SLC36A1: variants seen among roughly 807,000 people sequenced by gnomAD.
SLC36A1 encodes solute carrier family 36 member 1, also known as proton-coupled amino acid transporter 1.
SLC36A1 carries 30 observed loss-of-function variants against 47.5 expected under a neutral mutation model. That is an observed-to-expected ratio of 0.63 (90% CI 0.47 to 0.86). The LOEUF (loss-of-function observed/expected upper bound fraction) is 0.86. Among genes scored for constraint, SLC36A1 ranks in the 40% least tolerant of loss-of-function variants. SLC36A1 has a pLI of 0.00. For missense variants in SLC36A1, 517 were observed against 606.0 expected, an observed-to-expected ratio of 0.85 and a Z score of 1.54; for synonymous variants, 255 against 249.7, an observed-to-expected ratio of 1.02 and a Z score of -0.20.
At chr5:151,474,183 A>AAAAAAAAAAAAAAATTATCTTC (rs1561770143) in intron 8 of SLC36A1, among the ~76,000 whole-genome samples, 12 of 145,446 alleles carry the variant, frequency 8.3e-5, no homozygotes, top group African/African-American at 3.1e-4. Flanking sequence ...AAAAAAAGAA[A>AAAAAAAAAAAAAAATTATCTTC]TTATCTTCTG....
At chr5:151,505,970 C>T in the SLC36A1 span, 1 of 1,572,018 alleles carries the variant, frequency 6.4e-7, no homozygotes, top group Admixed American at 2.0e-5. Flanking sequence ...GCTCTGGCAT[C>T]ACGACTGGGG....
chr5:151,537,320 AG>A, the SLC36A1 span, among the ~76,000 whole-genome samples: 2 of 13,330 alleles, frequency 1.5e-4, no homozygotes, highest in East Asian at 0.014. Flanking sequence ...AAAAAGAAAG[AG>A]AAAAAAAGAA....
At chr5:151,518,371 A>ATTATTATTATTATTATT in the SLC36A1 span, among the ~76,000 whole-genome samples, 932 of 131,114 alleles carry the variant, frequency 7.1e-3, 12 homozygotes, top group East Asian at 0.04. Flanking sequence ...TAATAATAAT[A>ATTATTATTATTATTATT]ATAATTTTTA....
At chr5:151,533,101 TAGG>T in the SLC36A1 span, among the ~76,000 whole-genome samples, 1 of 152,112 alleles carries the variant, frequency 6.6e-6, no homozygotes, top group Admixed American at 6.6e-5. Flanking sequence ...AGGAGCTATC[TAGG>T]AGATCTGTGT....
chr5:151,526,365 T>G, the SLC36A1 span, among the ~76,000 whole-genome samples: 1 of 152,248 alleles, frequency 6.6e-6, no homozygotes, highest in Non-Finnish European at 1.5e-5. Context: ...CACTTATAAA[T>G]GATTTCTTCC....
chr5:151,379,437 G>A, the SLC36A1 span, among the ~76,000 whole-genome samples: 23 of 152,300 alleles, frequency 1.5e-4, no homozygotes, highest in African/African-American at 5.5e-4. Context: ...GGGTTCAAGC[G>A]ATTCTCCTGC....
At chr5:151,486,340 T>C (rs897426211) in intron 10 of SLC36A1, among the ~76,000 whole-genome samples, 5 of 149,092 alleles carry the variant, frequency 3.4e-5, no homozygotes, top group African/African-American at 1.3e-4. Flanking sequence ...ACATTGGGGA[T>C]CACATTTCAA....
chr5:151,540,811 C>A, the SLC36A1 span: 1 of 1,539,616 alleles, frequency 6.5e-7, no homozygotes, highest in South Asian at 1.2e-5. Context: ...TAGGAATGAA[C>A]TAGGCTTTGT....
chr5:151,475,993 C>T (rs1758002729), intron 8 of SLC36A1, among the ~76,000 whole-genome samples: 1 of 152,210 alleles, frequency 6.6e-6, no homozygotes, highest in Admixed American at 6.5e-5. Flanking sequence ...AAGGAGGTAG[C>T]AAAGGTCAGT....
chr5:151,510,223 A>G, the SLC36A1 span: 2 of 1,597,274 alleles, frequency 1.3e-6, no homozygotes, highest in Non-Finnish European at 1.7e-6. Context: ...CTAGCAGTTA[A>G]AGGAGACCTG....
chr5:151,404,259 T>G, the SLC36A1 span, among the ~76,000 whole-genome samples: 1 of 152,210 alleles, frequency 6.6e-6, no homozygotes, highest in Non-Finnish European at 1.5e-5. Flanking sequence ...GTTTTCTGTT[T>G]GTGTGATAGA....
chr5:151,514,173 A>G, the SLC36A1 span, among the ~76,000 whole-genome samples: 1 of 152,252 alleles, frequency 6.6e-6, no homozygotes, highest in East Asian at 1.9e-4. Context: ...TTACTTAAAA[A>G]GGAGACACTA....
chr5:151,473,897 C>T (rs1272665571), intron 8 of SLC36A1, 126 bp downstream of exon 8: 13 of 757,086 alleles, frequency 1.7e-5, no homozygotes, highest in East Asian at 2.6e-5. Context: ...TGGTGGCTCA[C>T]GCCTGTAATC....
At chr5:151,527,404 A>G in the SLC36A1 span, 1 of 1,562,522 alleles carries the variant, frequency 6.4e-7, no homozygotes, top group Admixed American at 1.8e-5. Context: ...AGTGGAGGTT[A>G]GCAATGAGGT....
the SLC36A1 span, among the ~76,000 whole-genome samples, chr5:151,388,486 A>G: frequency 2.1e-5 from 3 of 146,258 alleles, no homozygotes; most frequent in Non-Finnish European, 4.5e-5. Flanking sequence ...GGGCAACAAG[A>G]GTAAAACTCC....
chr5:151,494,210 T>A (rs165328), downstream of SLC36A1, among the ~76,000 whole-genome samples: 1 of 151,984 alleles, frequency 6.6e-6, no homozygotes, highest in African/African-American at 2.4e-5. Flanking sequence ...CCTCATACTT[T>A]GCCCATTGCG....
the SLC36A1 span, chr5:151,527,487 ATGCCCACCCCCAC>A: frequency 9.0e-7 from 1 of 1,117,212 alleles, no homozygotes; most frequent in African/African-American, 1.6e-5. Flanking sequence ...ACACTTTCCT[ATGCCCACCCCCAC>A]TGCCCACCCG....
intron 1 of SLC36A1, among the ~76,000 whole-genome samples, chr5:151,451,882 G>A (rs1753713162): frequency 6.6e-6 from 1 of 152,098 alleles, no homozygotes; most frequent in African/African-American, 2.4e-5. Flanking sequence ...TATAATTTAA[G>A]GTGTGGTAGA....
At chr5:151,406,456 C>T in the SLC36A1 span, 1 of 152,294 alleles carries the variant, frequency 6.6e-6, no homozygotes, top group Admixed American at 6.5e-5. Context: ...CTATCTCAAA[C>T]CTTACCACTT....
Sources: allele counts gnomAD v4.1 joint callset (sites outside exome capture counted in the v4.1 genomes callset), GRCh38; gene constraint gnomAD v4.1.1; transcripts MANE v1.5; gene names NCBI Gene and HGNC (gene_info 2026-07-23, HGNC 2026-07-21).